Variants in AUTS2 observed in about 807,000 individuals in gnomAD.
AUTS2 encodes the protein activator of transcription and developmental regulator AUTS2.
A neutral mutation model predicts 112.4 loss-of-function variants in AUTS2; 17 were observed. The observed-to-expected ratio is 0.15, with a 90% CI of 0.10 to 0.23. AUTS2 has a LOEUF of 0.23. AUTS2 is among the 10% of genes least tolerant of loss of function. The pLI is 1.00. For missense variants in AUTS2, 1,510 were observed against 1,701.6 expected (o/e 0.89, Z 1.98); for synonymous variants, 751 against 702.7 (o/e 1.07, Z -1.09).
chr7:69,602,038 ATATGTGTGTGTGTGTGTGTGTGTGTG>A (rs1395587827), intron 1 of AUTS2, among the ~76,000 whole-genome samples: 294 of 10,056 alleles, frequency 0.029, 3 homozygotes, highest in Middle Eastern at 0.075. Flanking sequence ...ATATATATAT[ATATGTGTGTGTGTGTGTGTGTGTGTG>A]TGTGTGTGTG....
At position 70,254,000 on chromosome 7, in the gene AUTS2, A is replaced by G. The variant is rs570415723; in HGVS notation, c.660+119429A>G. ...GTTCTAACTAGTTTGGGAAATATTC[A>G]TAAGAGGAAACAAAAACTAAATTTT... On this transcript the variant is annotated intron_variant, in intron 4 of 18. Coordinates refer to ENST00000342771, the MANE Select transcript of AUTS2 (RefSeq NM_015570.4). Among the ~76,000 whole-genome samples the G allele has an allele frequency of 6.6e-5, 10 of 152,290 alleles. No homozygotes were observed. The South Asian group carries it at 2.1e-3, about 32-fold the overall frequency.
At chr7:69,970,545 T>C (rs1160652695) in intron 2 of AUTS2, among the ~76,000 whole-genome samples, 2 of 152,188 alleles carry the variant, frequency 1.3e-5, no homozygotes. Context: ...GTTCTGTTCT[T>C]ATCATCTCCC....
intron 1 of AUTS2, among the ~76,000 whole-genome samples, chr7:69,689,155 A>G (rs771155607): frequency 1.4e-4 from 22 of 151,906 alleles, no homozygotes; most frequent in Non-Finnish European, 2.4e-4. Flanking sequence ...TAGTTTCCTC[A>G]TTTGTAGAAT....
chr7:70,775,151 TG>T (rs1305901513), intron 12 of AUTS2: 39 of 589,244 alleles, frequency 6.6e-5, no homozygotes, highest in African/African-American at 6.4e-4. Flanking sequence ...TCAGCGTAGA[TG>T]TACCAAGGCT....
chr7:69,707,079 C>T (rs1053471897), intron 1 of AUTS2, among the ~76,000 whole-genome samples: 6 of 152,166 alleles, frequency 3.9e-5, no homozygotes, highest in African/African-American at 1.4e-4. Flanking sequence ...TACTCCTTAA[C>T]TTGAGACCTG....
At chr7:69,617,561 G>T (rs575489497) in intron 1 of AUTS2, among the ~76,000 whole-genome samples, 2 of 152,218 alleles carry the variant, frequency 1.3e-5, no homozygotes, top group South Asian at 4.2e-4. Flanking sequence ...GGGGCCTGCA[G>T]TCACTTTAAC....
rs547088607 is a variant in AUTS2 at position 69,609,761 on chromosome 7, C to T, written c.309+9799C>T. 3.1e-4 allele frequency among the ~76,000 whole-genome samples: 47 copies of T among 152,338 alleles called. No individual in the cohort carries two copies. In the South Asian group the frequency reaches 9.3e-3, roughly 30 times the overall value. On this transcript the variant is annotated intron_variant, in intron 1 of 18. Transcript: ENST00000342771. Reference sequence around the variant, plus strand: ...TACTTAAAATATTAAATCCACATGACGTGTTGACTAAGGCATCTTGTCTGT... The same window carrying T: ...TACTTAAAATATTAAATCCACATGATGTGTTGACTAAGGCATCTTGTCTGT...
intron 1 of AUTS2, among the ~76,000 whole-genome samples, chr7:69,668,876 A>T (rs1796192065): frequency 6.6e-6 from 1 of 152,190 alleles, no homozygotes. Flanking sequence ...TACCTATGGC[A>T]AGAACCTGTC....
intron 5 of AUTS2, 55 bp from the exon 6 acceptor site, chr7:70,698,514 T>A (rs1809261178): frequency 7.1e-7 from 1 of 1,402,674 alleles, no homozygotes. Flanking sequence ...ATGTTGATGG[T>A]GATGACAATA....
chr7:70,713,463 G>C (rs1810173778), intron 6 of AUTS2, among the ~76,000 whole-genome samples: 1 of 152,206 alleles, frequency 6.6e-6, no homozygotes, highest in Non-Finnish European at 1.5e-5. Context: ...AAACTCTTAA[G>C]AAGTTTAAGT....
rs1444120724 is a variant in AUTS2 at position 70,449,770 on chromosome 7, T to A, written c.690+13989T>A. On this transcript the variant is annotated intron_variant, in intron 5 of 18. Transcript: ENST00000342771. ...ATTCACAGATTAGTTCTATCTTGCT[T>A]AAGCTATTAAAAGCCATAGAAATAC... Among the ~76,000 whole-genome samples, 41 of 152,222 alleles carry A rather than the reference T, an allele frequency of 2.7e-4. 1 individual carries two copies. Among genetic ancestry groups the A allele is most frequent in the Admixed American group, 2.7e-3 (41 of 15,286 alleles).
intron 4 of AUTS2, among the ~76,000 whole-genome samples, chr7:70,321,824 C>T (rs751516639): frequency 3.9e-4 from 60 of 152,224 alleles, no homozygotes; most frequent in South Asian, 1.0e-3. Context: ...ATATGTCCCT[C>T]CCGCCCCGAG....
chr7:70,540,626 T>G (rs1310409119), intron 5 of AUTS2, among the ~76,000 whole-genome samples: 1 of 152,192 alleles, frequency 6.6e-6, no homozygotes, highest in Non-Finnish European at 1.5e-5. Flanking sequence ...TTCCATCGAT[T>G]CATGGTATTG....
intron 1 of AUTS2, among the ~76,000 whole-genome samples, chr7:69,704,716 G>T (rs1406285591): frequency 6.6e-6 from 1 of 152,144 alleles, no homozygotes; most frequent in East Asian, 1.9e-4. Context: ...GACAAGCATT[G>T]TCTGATTACA....
chr7:70,651,218 GAAGTTAAA>G (rs1486869831), intron 5 of AUTS2, among the ~76,000 whole-genome samples: 3 of 152,310 alleles, frequency 2.0e-5, no homozygotes, highest in Admixed American at 6.5e-5. Context: ...GACATACAAA[GAAGTTAAA>G]TAAGGTACCC....
chr7:69,950,010 C>T (rs1796962634), intron 2 of AUTS2, among the ~76,000 whole-genome samples: 1 of 152,018 alleles, frequency 6.6e-6, no homozygotes, highest in Non-Finnish European at 1.5e-5. Flanking sequence ...CTATGGAGAC[C>T]CTCAGTGTTT....
chr7:70,581,705 T>C (rs536785647), intron 5 of AUTS2, among the ~76,000 whole-genome samples: 1 of 152,330 alleles, frequency 6.6e-6, no homozygotes, highest in African/African-American at 2.4e-5. Context: ...CAGACCTGGT[T>C]CCTAGTAAGC....
intron 4 of AUTS2, among the ~76,000 whole-genome samples, chr7:70,194,281 A>T (rs1810056837): frequency 6.6e-6 from 1 of 152,098 alleles, no homozygotes; most frequent in Non-Finnish European, 1.5e-5. Flanking sequence ...GTGGTGACAG[A>T]CACCTGTAAT....
intron 1 of AUTS2, among the ~76,000 whole-genome samples, chr7:69,868,335 A>C (rs1325098516): frequency 1.3e-5 from 2 of 152,310 alleles, no homozygotes; most frequent in African/African-American, 4.8e-5. Context: ...TATCACAAGC[A>C]CCTGTGTCAA....
Sources: gnomAD v4.1 joint callset for allele counts (sites outside exome capture counted in the v4.1 genomes callset) on GRCh38, gnomAD v4.1.1 for gene constraint, MANE v1.5 for transcripts, NCBI Gene and HGNC (gene_info 2026-07-23, HGNC 2026-07-21) for gene names.